The following SGCZ variants were observed in gnomAD, a reference collection of about 807,000 sequenced individuals.
SGCZ encodes sarcoglycan zeta, also known as zeta-sarcoglycan.
A neutral mutation model predicts 41.3 loss-of-function variants in SGCZ; 40 were observed. The ratio of observed to expected loss-of-function variants is 0.97; its 90% CI spans 0.75 to 1.26. The LOEUF (loss-of-function observed/expected upper bound fraction) is 1.26, where lower values mean the gene tolerates loss of function less well. Among genes scored for constraint, SGCZ ranks in the 50% most tolerant of loss-of-function variants. The pLI, the probability that SGCZ is intolerant of heterozygous loss-of-function variation, is 0.00. For synonymous variants in SGCZ, 206 were observed against 137.5 expected, an observed-to-expected ratio of 1.50 and a Z score of -3.49; for missense variants, 552 against 369.8, an observed-to-expected ratio of 1.49 and a Z score of -4.04.
chr8:14,321,604 G>A (rs943937056), intron 3 of SGCZ, among the ~76,000 whole-genome samples: 3 of 152,020 alleles, frequency 2.0e-5, no homozygotes, highest in Admixed American at 6.6e-5. Context: ...TTTAAAGAGA[G>A]CAACAGCATG....
intron 1 of SGCZ, among the ~76,000 whole-genome samples, chr8:14,608,147 A>G (rs1268010310): frequency 2.6e-5 from 4 of 152,170 alleles, no homozygotes; most frequent in Non-Finnish European, 5.9e-5. Flanking sequence ...AAAAGGCACT[A>G]ATGGACTGCT....
chr8:14,657,577 G>T (rs556298438), intron 1 of SGCZ, among the ~76,000 whole-genome samples: 1 of 152,040 alleles, frequency 6.6e-6, no homozygotes, highest in South Asian at 2.1e-4. Flanking sequence ...TTTTTCTTGG[G>T]AACTTTCTGA....
chr8:15,002,894 T>C (rs1278191648), intron 1 of SGCZ, among the ~76,000 whole-genome samples: 1 of 152,026 alleles, frequency 6.6e-6, no homozygotes, highest in Non-Finnish European at 1.5e-5. Flanking sequence ...GGGGAGGTAA[T>C]GGAATCATGG....
intron 1 of SGCZ, among the ~76,000 whole-genome samples, chr8:14,806,534 G>T (rs1253294660): frequency 2.6e-5 from 4 of 152,164 alleles, no homozygotes; most frequent in African/African-American, 9.7e-5. Flanking sequence ...AAACCAGGAG[G>T]AAGTTGAATC....
At chr8:14,756,673 G>C (rs1314307497) in intron 1 of SGCZ, among the ~76,000 whole-genome samples, 1 of 152,070 alleles carries the variant, frequency 6.6e-6, no homozygotes, top group Non-Finnish European at 1.5e-5. Context: ...ATAACTTTTG[G>C]TCTGCATATA....
At chr8:14,495,458 A>T (rs574274611) in intron 2 of SGCZ, among the ~76,000 whole-genome samples, 1 of 152,218 alleles carries the variant, frequency 6.6e-6, no homozygotes, top group Non-Finnish European at 1.5e-5. Context: ...ATTATTTGAC[A>T]GTTAAGTATC....
intron 5 of SGCZ, among the ~76,000 whole-genome samples, chr8:14,120,881 A>G (rs758268894): frequency 6.6e-6 from 1 of 152,246 alleles, no homozygotes; most frequent in South Asian, 2.1e-4. Context: ...ATTTAATGCA[A>G]TCTTAATCAG....
intron 1 of SGCZ, among the ~76,000 whole-genome samples, chr8:14,982,209 A>G (rs1164050104): frequency 6.6e-6 from 1 of 151,962 alleles, no homozygotes; most frequent in African/African-American, 2.4e-5. Flanking sequence ...TTAAGACTGA[A>G]ATGGATCATT....
At chr8:14,918,139 G>C (rs907180890) in intron 1 of SGCZ, among the ~76,000 whole-genome samples, 2 of 152,180 alleles carry the variant, frequency 1.3e-5, no homozygotes, top group Non-Finnish European at 2.9e-5. Context: ...GATGGAAAAT[G>C]AGGTGAATAT....
chr8:14,216,742 AC>A (rs975723992), intron 4 of SGCZ, among the ~76,000 whole-genome samples: 3 of 152,090 alleles, frequency 2.0e-5, no homozygotes, highest in African/African-American at 7.2e-5. Context: ...CTTAAAAAAA[AC>A]AAAAACCTAC....
chr8:14,323,819 G>A (rs1413996662), intron 3 of SGCZ, among the ~76,000 whole-genome samples: 1 of 152,036 alleles, frequency 6.6e-6, no homozygotes, highest in Admixed American at 6.6e-5. Flanking sequence ...GGGATTTACT[G>A]TAACTTTATA....
intron 1 of SGCZ, among the ~76,000 whole-genome samples, chr8:14,636,379 A>C (rs1243763494): frequency 6.6e-6 from 1 of 151,950 alleles, no homozygotes; most frequent in Admixed American, 6.6e-5. Context: ...AACAAGAAAA[A>C]ACAGACAACC....
At chr8:14,568,673 C>T (rs1804457821) in intron 1 of SGCZ, among the ~76,000 whole-genome samples, 2 of 152,064 alleles carry the variant, frequency 1.3e-5, no homozygotes, top group Non-Finnish European at 2.9e-5. Context: ...TTGTTGATTG[C>T]CTGCTTCTTC....
At chr8:14,933,431 C>CTTTT (rs11443740) in intron 1 of SGCZ, among the ~76,000 whole-genome samples, 11 of 120,416 alleles carry the variant, frequency 9.1e-5, no homozygotes, top group South Asian at 2.6e-4. Flanking sequence ...CTTTTTTTTT[C>CTTTT]TTTTTTTTTT....
chr8:14,153,394 T>C (rs1803773077), intron 5 of SGCZ, among the ~76,000 whole-genome samples: 1 of 152,144 alleles, frequency 6.6e-6, no homozygotes, highest in Non-Finnish European at 1.5e-5. Context: ...AGCCTACCTC[T>C]GAATACCAGT....
intron 2 of SGCZ, among the ~76,000 whole-genome samples, chr8:14,515,161 T>G (rs981847331): frequency 6.6e-6 from 1 of 151,942 alleles, no homozygotes; most frequent in East Asian, 1.9e-4. Context: ...TGCATTACCA[T>G]TGCTTTACAT....
At position 14,893,022 on chromosome 8, in the gene SGCZ, C is replaced by T. The variant is rs190717011; in HGVS notation, c.40-338096G>A. Reference sequence around the variant, plus strand: ...GCAGAAGAATGACAGACGTCTACATCCTAACCCTGTGAATGTGTTGCCTAA... The same window carrying T: ...GCAGAAGAATGACAGACGTCTACATTCTAACCCTGTGAATGTGTTGCCTAA... On this transcript the variant is annotated intron_variant, in intron 1 of 7. Coordinates refer to ENST00000382080, the MANE Select transcript of SGCZ (RefSeq NM_139167.4). Among the ~76,000 whole-genome samples the T allele has an allele frequency of 5.7e-3, 865 of 152,254 alleles. 3 individuals carry two copies. Among genetic ancestry groups the T allele is most frequent in the Non-Finnish European group, 9.4e-3 (636 of 68,020 alleles).
At chr8:15,163,961 G>C (rs1044742703) in intron 1 of SGCZ, among the ~76,000 whole-genome samples, 2 of 152,216 alleles carry the variant, frequency 1.3e-5, no homozygotes, top group South Asian at 2.1e-4. Context: ...GTTTACAGGG[G>C]AAGGAGGCTG....
intron 1 of SGCZ, among the ~76,000 whole-genome samples, chr8:14,802,403 T>C (rs752637766): frequency 3.0e-4 from 46 of 152,234 alleles, no homozygotes; most frequent in Admixed American, 5.2e-4. Flanking sequence ...TTGGTGACAT[T>C]ACACTTTAAT....
Sources: gnomAD v4.1 joint callset for allele counts (sites outside exome capture counted in the v4.1 genomes callset) on GRCh38, gnomAD v4.1.1 for gene constraint, MANE v1.5 for transcripts, NCBI Gene and HGNC (gene_info 2026-07-23, HGNC 2026-07-21) for gene names.